The following NECTIN3 variants were observed in gnomAD, a reference collection of about 807,000 sequenced individuals.
The protein encoded by NECTIN3 is nectin-3.
Under a neutral mutation model 49.4 loss-of-function variants are expected in NECTIN3, and 8 were observed. The ratio of observed to expected loss-of-function variants is 0.16; its 90% CI spans 0.10 to 0.29. The LOEUF (loss-of-function observed/expected upper bound fraction) is 0.29. NECTIN3 is among the 10% of genes least tolerant of loss of function. The probability of loss-of-function intolerance (pLI) is 1.00; values close to 1 mark genes in which losing one functional copy is unlikely to be tolerated. For synonymous variants in NECTIN3, 277 were observed against 241.1 expected (o/e 1.15, Z -1.38); for missense variants, 581 against 654.6 (o/e 0.89, Z 1.23).
Position 111,179,762 on chromosome 3 carries a change from C to T in NECTIN3, c.1222-12589C>T, listed in dbSNP as rs551007646. Among the ~76,000 whole-genome samples, 17 of 151,790 alleles carry T rather than the reference C, an allele frequency of 1.1e-4. No individual in the cohort carries two copies. The South Asian group carries it at 1.9e-3, about 17-fold the overall frequency. ...ACAAAAAATTAGCTGAGTGTGGCGG[C>T]GGGACCTGTAGTCCAAGCTACTCGG... On this transcript the variant is annotated intron_variant, in intron 7 of 8. Coordinates refer to the NECTIN3 transcript ENST00000493615.
At chr3:111,181,972 A>T (rs1035751233) in intron 7 of NECTIN3, among the ~76,000 whole-genome samples, 4 of 151,912 alleles carry the variant, frequency 2.6e-5, no homozygotes, top group African/African-American at 9.6e-5. Flanking sequence ...TTCTTTTCTA[A>T]TACAAGCATT....
chr3:111,093,638 G>A (rs1297716072), intron 1 of NECTIN3, among the ~76,000 whole-genome samples: 1 of 152,038 alleles, frequency 6.6e-6, no homozygotes, highest in African/African-American at 2.4e-5. Context: ...GTTTTACCAT[G>A]TTAGCCAGGC....
intron 1 of NECTIN3, among the ~76,000 whole-genome samples, chr3:111,089,240 C>G (rs1249060932): frequency 1.7e-4 from 26 of 151,956 alleles, no homozygotes; most frequent in Non-Finnish European, 3.8e-4. Context: ...TTTCAAAGAA[C>G]CCACTTTTGG....
exon 7 of NECTIN3, chr3:111,147,462 T>C (rs1559808286): frequency 6.5e-7 from 1 of 1,531,298 alleles, no homozygotes; most frequent in East Asian, 2.5e-5. Context: ...TCCCCACCTT[T>C]GCCTCAGAAA....
exon 1 of NECTIN3, chr3:111,192,398 C>A: frequency 6.5e-7 from 1 of 1,535,628 alleles, no homozygotes; most frequent in Non-Finnish European, 8.7e-7. Context: ...GAGAAGTTGG[C>A]AATCTTCAGC....
chr3:111,092,501 A>AT (rs1370948903), intron 1 of NECTIN3, among the ~76,000 whole-genome samples: 1 of 151,928 alleles, frequency 6.6e-6, no homozygotes, highest in Non-Finnish European at 1.5e-5. Context: ...GTCTAACATC[A>AT]TTTTTTTAAT....
chr3:111,190,434 G>A (rs1209505806), upstream of NECTIN3, among the ~76,000 whole-genome samples: 1 of 152,220 alleles, frequency 6.6e-6, no homozygotes, highest in Non-Finnish European at 1.5e-5. Flanking sequence ...GACTATGTTA[G>A]TCTGTTCAGG....
At chr3:111,144,766 A>G in intron 5 of NECTIN3, 1 of 923,934 alleles carries the variant, frequency 1.1e-6, no homozygotes, top group East Asian at 2.7e-5. Flanking sequence ...TAATGAATGA[A>G]ATTTGGGGTC....
chr3:111,134,835 GAT>G lies in NECTIN3; in HGVS notation c.*623_*624del. ...AATTACTGTAGAGTGGCTTTTCAAA[GAT>G]ATTTTGTTGCACTAAAACTGTGGTA... On this transcript the variant is annotated 3_prime_UTR_variant, in exon 6 of 6. Coordinates refer to ENST00000485303, the MANE Select transcript of NECTIN3 (RefSeq NM_015480.3). The G allele has an allele frequency of 1.0e-6, 1 of 982,308 alleles. No individual in the cohort carries two copies. The highest frequency in any genetic ancestry group is 1.2e-6 in the Non-Finnish European group (1 of 827,250). 60.8% of individuals were successfully genotyped at this position (982,308 alleles called of 1,614,324 possible).
intron 7 of NECTIN3, among the ~76,000 whole-genome samples, chr3:111,149,405 C>A (rs987624259): frequency 6.6e-6 from 1 of 150,584 alleles, no homozygotes; most frequent in African/African-American, 2.4e-5. Context: ...GACAACTTTA[C>A]AATAATGTCA....
chr3:111,176,001 C>T, intron 7 of NECTIN3, among the ~76,000 whole-genome samples: 1 of 152,154 alleles, frequency 6.6e-6, no homozygotes, highest in South Asian at 2.1e-4. Context: ...ATTCCTTTCA[C>T]TATCAGGTCA....
chr3:111,147,260 G>C (rs2034895301), intron 6 of NECTIN3: 11 of 610,092 alleles, frequency 1.8e-5, no homozygotes, highest in Admixed American at 9.5e-5. Flanking sequence ...TGTAAGAACT[G>C]AATTAAGCAG....
rs1431877236 is a variant in NECTIN3, at chr3:111,088,807, G to A, written c.160+16630G>A. The stretch of plus-strand genomic sequence containing the variant: ...AATTTTTCTTTCTTAAAATGCTTTT[G>A]CCACCTTTTGGTGTCAAGGCTGTGC... On this transcript the variant is annotated intron_variant, in intron 1 of 5. Transcript: ENST00000485303. Among the ~76,000 whole-genome samples, 5 of 152,030 alleles carry A rather than the reference G, an allele frequency of 3.3e-5. No individual in the cohort carries two copies. The East Asian group carries it at 7.7e-4, about 24-fold the overall frequency.
chr3:111,081,646 G>T (rs2031612552), intron 1 of NECTIN3, among the ~76,000 whole-genome samples: 1 of 152,312 alleles, frequency 6.6e-6, no homozygotes, highest in South Asian at 2.1e-4. Flanking sequence ...ATAGAAAGAG[G>T]ACCAATTTAA....
At chr3:111,107,186 C>G (rs1336917774) in intron 1 of NECTIN3, among the ~76,000 whole-genome samples, 1 of 151,860 alleles carries the variant, frequency 6.6e-6, no homozygotes, top group Non-Finnish European at 1.5e-5. Context: ...TCACAAGCAT[C>G]TTCTTGAATG....
chr3:111,181,529 G>A (rs1407994637), intron 7 of NECTIN3, among the ~76,000 whole-genome samples: 2 of 152,066 alleles, frequency 1.3e-5, no homozygotes, highest in East Asian at 1.9e-4. Flanking sequence ...TAATTTTTAA[G>A]AGCAGTGTTA....
intron 6 of NECTIN3, among the ~76,000 whole-genome samples, chr3:111,146,362 A>C (rs1369063088): frequency 6.9e-6 from 1 of 145,536 alleles, no homozygotes; most frequent in Non-Finnish European, 1.5e-5. Context: ...TGAACCCGGG[A>C]GGCGGAGCTT....
chr3:111,106,714 A>G (rs1284439230), intron 1 of NECTIN3, among the ~76,000 whole-genome samples: 1 of 152,186 alleles, frequency 6.6e-6, no homozygotes, highest in Non-Finnish European at 1.5e-5. Flanking sequence ...TAGTTTGTTA[A>G]TGTATATTTT....
intron 7 of NECTIN3, among the ~76,000 whole-genome samples, chr3:111,165,966 T>C (rs1479967945): frequency 6.6e-6 from 1 of 152,100 alleles, no homozygotes; most frequent in Non-Finnish European, 1.5e-5. Flanking sequence ...GTGGCAAAAT[T>C]AGGTGCTTCT....
Sources: allele counts gnomAD v4.1 joint callset (sites outside exome capture counted in the v4.1 genomes callset), GRCh38; gene constraint gnomAD v4.1.1; transcripts MANE v1.5; gene names NCBI Gene and HGNC (gene_info 2026-07-23, HGNC 2026-07-21).